PSG5: variants seen among roughly 807,000 people sequenced by gnomAD.
PSG5 encodes pregnancy specific beta-1-glycoprotein 5.
PSG5 carries 53 observed loss-of-function variants against 37.7 expected under a neutral mutation model. The observed-to-expected ratio is 1.41, with a 90% CI of 1.13 to 1.77. The LOEUF (loss-of-function observed/expected upper bound fraction) is 1.77, where lower values mean the gene tolerates loss of function less well. Ranked by LOEUF, PSG5 falls within the 40% of genes most tolerant of loss-of-function variation. PSG5 has a pLI of 0.00. For missense variants in PSG5, 547 were observed against 405.2 expected, an observed-to-expected ratio of 1.35 and a Z score of -3.00; for synonymous variants, 221 against 155.4, an observed-to-expected ratio of 1.42 and a Z score of -3.14.
At chr19:43,170,650 T>C in intron 4 of PSG5, 1 of 240,498 alleles carries the variant, frequency 4.2e-6, no homozygotes, top group Non-Finnish European at 9.0e-6. Flanking sequence ...AGGCTCTCTT[T>C]AACTCTAAAG....
intron 4 of PSG5, chr19:43,170,395 G>A: frequency 2.0e-6 from 1 of 490,814 alleles, no homozygotes; most frequent in Non-Finnish European, 3.4e-6. Context: ...TCAGACATAA[G>A]AAAGGCTGAT....
intron 1 of PSG5, among the ~76,000 whole-genome samples, chr19:43,185,443 A>AG (rs1966914580): frequency 2.5e-5 from 2 of 78,940 alleles, no homozygotes; most frequent in Admixed American, 1.3e-4. Context: ...CCCCCCCCCC[A>AG]CACTGCCCTC....
chr19:43,170,510 G>C, intron 4 of PSG5: 1 of 445,054 alleles, frequency 2.2e-6, no homozygotes, highest in South Asian at 1.9e-5. Flanking sequence ...ACTCTGTCAG[G>C]TCTCCATGGC....
At chr19:43,178,510 A>G (rs1017150636) in intron 2 of PSG5, among the ~76,000 whole-genome samples, 2 of 151,598 alleles carry the variant, frequency 1.3e-5, no homozygotes, top group African/African-American at 2.4e-5. Context: ...CACAGGTGAC[A>G]TTGTCAGAGG....
chr19:43,176,256 T>A (rs957953271), intron 2 of PSG5, 108 bp from the exon 3 acceptor site: 2 of 1,524,060 alleles, frequency 1.3e-6, no homozygotes, highest in African/African-American at 2.8e-5. Context: ...ACCAGAGTCC[T>A]TGAAAGCCAG....
rs763134120 is a variant in PSG5 at position 43,176,123 on chromosome 19, G to T, written c.456C>A (p.Thr152=). The T allele has an allele frequency of 2.5e-6, 4 of 1,611,264 alleles. No individual in the cohort carries two copies. Among genetic ancestry groups the T allele is most frequent in the Admixed American group, 3.3e-5 (2 of 59,884 alleles). ...LYLKLPKPYI[T]INNSKPRENK... Reference sequence around the variant, plus strand: ...TCTCCCTGGGTTTTGAGTTGTTGATGGTGATGTAGGGCTTGGGCAGCTTCA... The same window carrying T: ...TCTCCCTGGGTTTTGAGTTGTTGATTGTGATGTAGGGCTTGGGCAGCTTCA... Residue 152 remains threonine (T), a synonymous_variant, in exon 3 of 6, where the codon ACC becomes ACA. Coordinates refer to ENST00000342951, the MANE Select transcript of PSG5 (RefSeq NM_002781.4).
rs556860502 is a variant in PSG5, at chr19:43,178,802, G to A, written c.431-2654C>T. ...AAGGTCTCTGTACTTGGACCTGAGA[G>A]GGACTGAGAGGCCTGGCCTCTGGCC... On this transcript the variant is annotated intron_variant, in intron 2 of 5. Transcript: ENST00000342951. 68 of 1,610,462 alleles carry A rather than the reference G, an allele frequency of 4.2e-5. 2 individuals carry two copies. In the Middle Eastern group the frequency reaches 8.3e-4, roughly 20 times the overall value.
chr19:43,173,622 T>C (rs1187981975), intron 4 of PSG5, among the ~76,000 whole-genome samples: 17 of 151,636 alleles, frequency 1.1e-4, no homozygotes, highest in Admixed American at 9.2e-4. Flanking sequence ...TCACGAATAC[T>C]TAGAGATATG....
At chr19:43,183,114 G>C (rs1460960818) in intron 2 of PSG5, among the ~76,000 whole-genome samples, 1 of 151,258 alleles carries the variant, frequency 6.6e-6, no homozygotes, top group Non-Finnish European at 1.5e-5. Flanking sequence ...AGCAGAGGCA[G>C]AGACACCATG....
chr19:43,179,155 C>T (rs1599751322), intron 2 of PSG5: 1 of 1,588,686 alleles, frequency 6.3e-7, no homozygotes, highest in South Asian at 1.1e-5. Context: ...TTGGGAGTTT[C>T]CACTTTGCAG....
chr19:43,177,070 T>A lies in PSG5; in HGVS notation c.431-922A>T, dbSNP rs928648786. On this transcript the variant is annotated intron_variant, in intron 2 of 5. Transcript: ENST00000342951. ...TATGAGACAAATTTGAAGAGAAGTTTTGGGAATATTTTCTTTCACTGGACA... is the reference window on the plus strand; with the variant it reads ...TATGAGACAAATTTGAAGAGAAGTTATGGGAATATTTTCTTTCACTGGACA... 2.1e-4 allele frequency among the ~76,000 whole-genome samples: 32 copies of A among 151,580 alleles called. 3 individuals carry two copies. Among genetic ancestry groups the A allele is most frequent in the African/African-American group, 7.8e-4 (32 of 41,134 alleles).
chr19:43,185,557 G>T (rs545465475), intron 1 of PSG5, among the ~76,000 whole-genome samples: 1 of 150,910 alleles, frequency 6.6e-6, no homozygotes, highest in Non-Finnish European at 1.5e-5. Flanking sequence ...CTCCCTCCAG[G>T]GTTCTTGTCA....
At chr19:43,178,524 G>T (rs972899943) in intron 2 of PSG5, among the ~76,000 whole-genome samples, 1 of 151,584 alleles carries the variant, frequency 6.6e-6, no homozygotes, top group East Asian at 1.9e-4. Context: ...TCAGAGGGAA[G>T]GGAAAATCCT....
intron 2 of PSG5, among the ~76,000 whole-genome samples, chr19:43,183,043 G>T (rs976030131): frequency 6.6e-6 from 1 of 151,104 alleles, no homozygotes; most frequent in Non-Finnish European, 1.5e-5. Context: ...GGGGGAAGAA[G>T]CTGTGCAGGA....
chr19:43,178,890 A>C lies in PSG5; in HGVS notation c.431-2742T>G. The C allele has an allele frequency of 1.9e-6, 3 of 1,612,926 alleles. No individual in the cohort carries two copies. The South Asian group carries it at 3.3e-5, about 18-fold the overall frequency. On this transcript the variant is annotated intron_variant, in intron 2 of 5. Coordinates refer to ENST00000342951, the MANE Select transcript of PSG5 (RefSeq NM_002781.4). ...CAGAGGATACTCACGGAGGAGATTC[A>C]GGGTGACTGGGTCACTGTGGCTGGC... is the stretch of plus-strand genomic sequence containing the variant.
At chr19:43,169,149 T>C (rs1454175358) in intron 5 of PSG5, among the ~76,000 whole-genome samples, 1 of 151,688 alleles carries the variant, frequency 6.6e-6, no homozygotes, top group Non-Finnish European at 1.5e-5. Context: ...TCTTGTGGCA[T>C]TCAATTTTTT....
Position 43,175,268 on chromosome 19 carries a change from C to G in PSG5, c.911G>C (p.Arg304Pro). Reference protein sequence around the residue: ...KHRGLYTCSVRNSATGKESSK... With the variant: ...KHRGLYTCSVPNSATGKESSK... ...GCTTTCCTTGCCAGTAGCTGAGTTA[C>G]GAACAGAGCAAGTATAGAGCCCTCT... Residue 304 changes from arginine (R) to proline (P), a missense_variant, in exon 4 of 6, where the codon CGT becomes CCT. Coordinates refer to ENST00000342951, the MANE Select transcript of PSG5 (RefSeq NM_002781.4). 6.2e-7 allele frequency: 1 copy of G among 1,612,674 alleles called. No homozygotes were observed. Among genetic ancestry groups the G allele is most frequent in the Non-Finnish European group, 8.5e-7 (1 of 1,179,182 alleles).
intron 4 of PSG5, 131 bp from the exon 5 acceptor site, chr19:43,170,269 A>T: frequency 1.1e-6 from 1 of 926,066 alleles, no homozygotes; most frequent in Admixed American, 2.6e-5. Context: ...CCTCTTGGGA[A>T]ATTGATGGGA....
intron 2 of PSG5, among the ~76,000 whole-genome samples, 180 bp from the exon 3 acceptor site, chr19:43,176,328 C>A (rs575925485): frequency 6.6e-6 from 1 of 151,664 alleles, no homozygotes; most frequent in Admixed American, 6.6e-5. Flanking sequence ...GACTGTGAGG[C>A]CACCTGCTCT....
Sources: gnomAD v4.1 joint callset for allele counts (sites outside exome capture counted in the v4.1 genomes callset) on GRCh38, gnomAD v4.1.1 for gene constraint, MANE v1.5 for transcripts, NCBI Gene and HGNC (gene_info 2026-07-23, HGNC 2026-07-21) for gene names.